Variants in LRP1B observed in about 807,000 individuals in gnomAD.
LRP1B encodes the protein LDL receptor related protein 1B.
Under a neutral mutation model 556.6 loss-of-function variants are expected in LRP1B, and 217 were observed. That is an observed-to-expected ratio of 0.39 (90% CI 0.35 to 0.44). LRP1B has a LOEUF of 0.44. LRP1B is among the 20% of genes least tolerant of loss of function. The probability of loss-of-function intolerance (pLI) is 1.00; values close to 1 mark genes in which losing one functional copy is unlikely to be tolerated. For missense variants in LRP1B, 5,053 were observed against 5,620.8 expected (o/e 0.90, Z 3.23); for synonymous variants, 2,047 against 1,865.8 (o/e 1.10, Z -2.50).
In LRP1B at chr2:141,698,009, G is replaced by C. The variant is rs75113386; in HGVS notation, c.205+112270C>G. On this transcript the variant is annotated intron_variant, in intron 2 of 90. Coordinates refer to ENST00000389484, the MANE Select transcript of LRP1B (RefSeq NM_018557.3). Reference sequence around the variant, plus strand: ...GTACAGTATTAAATACGGTGAGGAGGTAGCAGAGTAGGAGCTAGAGGTGCT... The same window carrying C: ...GTACAGTATTAAATACGGTGAGGAGCTAGCAGAGTAGGAGCTAGAGGTGCT... Among the ~76,000 whole-genome samples, 499 of 152,076 alleles carry C rather than the reference G, an allele frequency of 3.3e-3. 3 individuals are homozygous for C. Among genetic ancestry groups the C allele is most frequent in the African/African-American group, 0.011 (474 of 41,526 alleles).
intron 1 of LRP1B, among the ~76,000 whole-genome samples, chr2:142,085,024 T>C (rs1373350922): frequency 2.0e-5 from 3 of 152,182 alleles, no homozygotes; most frequent in Non-Finnish European, 4.4e-5. Flanking sequence ...CTTTAATCTG[T>C]TGTAAAATGA....
At chr2:141,926,686 T>A (rs115294353) in intron 1 of LRP1B, among the ~76,000 whole-genome samples, 1 of 152,148 alleles carries the variant, frequency 6.6e-6, no homozygotes, top group Non-Finnish European at 1.5e-5. Context: ...ACAGACAATT[T>A]GAAAATAGGT....
At chr2:141,164,970 T>C (rs1680188385) in intron 7 of LRP1B, among the ~76,000 whole-genome samples, 1 of 151,988 alleles carries the variant, frequency 6.6e-6, no homozygotes, top group Non-Finnish European at 1.5e-5. Context: ...ATCTTATTCC[T>C]CTCTCTAGCT....
chr2:140,518,284 T>G (rs756913858), intron 49 of LRP1B, among the ~76,000 whole-genome samples: 1 of 152,168 alleles, frequency 6.6e-6, no homozygotes, highest in Non-Finnish European at 1.5e-5. Flanking sequence ...GGATGTTTCC[T>G]GGATCTAATC....
chr2:141,997,182 C>T (rs1197093642), intron 1 of LRP1B, among the ~76,000 whole-genome samples: 1 of 56,138 alleles, frequency 1.8e-5, no homozygotes, highest in East Asian at 8.5e-4. Context: ...AGTTCAGTAG[C>T]TAAGATTTTG....
chr2:141,695,978 A>G (rs1238404825), intron 2 of LRP1B, among the ~76,000 whole-genome samples: 1 of 151,946 alleles, frequency 6.6e-6, no homozygotes, highest in Non-Finnish European at 1.5e-5. Flanking sequence ...AACTACCTGT[A>G]TTTCTACCTT....
At chr2:140,377,415 G>A (rs1179149615) in intron 68 of LRP1B, among the ~76,000 whole-genome samples, 4 of 152,006 alleles carry the variant, frequency 2.6e-5, no homozygotes, top group South Asian at 2.1e-4. Flanking sequence ...ACTTGATTGC[G>A]CAAACCTTGT....
chr2:141,287,908 C>T (rs1685781902), intron 3 of LRP1B, among the ~76,000 whole-genome samples: 1 of 152,124 alleles, frequency 6.6e-6, no homozygotes, highest in South Asian at 2.1e-4. Flanking sequence ...TTTAATTCTT[C>T]CTGCCTCCTT....
intron 12 of LRP1B, 132 bp downstream of exon 12, chr2:141,019,788 CTT>C: frequency 1.7e-6 from 1 of 591,746 alleles, no homozygotes; most frequent in Non-Finnish European, 2.8e-6. Context: ...AAATGTGTAA[CTT>C]TACCCACTAA....
At chr2:141,124,876 G>A (rs542493807) in intron 7 of LRP1B, among the ~76,000 whole-genome samples, 124 of 152,140 alleles carry the variant, frequency 8.2e-4, no homozygotes, top group African/African-American at 2.9e-3. Flanking sequence ...GAGATGGATT[G>A]TATGCATATA....
At chr2:142,091,936 G>T (rs1030555612) in intron 1 of LRP1B, among the ~76,000 whole-genome samples, 18 of 152,202 alleles carry the variant, frequency 1.2e-4, no homozygotes, top group African/African-American at 4.1e-4. Context: ...TTTCCTTCTG[G>T]CATCCCTTCT....
intron 7 of LRP1B, among the ~76,000 whole-genome samples, chr2:141,095,020 G>A (rs1027791387): frequency 6.6e-6 from 1 of 152,112 alleles, no homozygotes. Flanking sequence ...GTGAATGAAT[G>A]AATGCCATTA....
chr2:141,723,989 T>A (rs1257409269), intron 2 of LRP1B, among the ~76,000 whole-genome samples: 3 of 151,906 alleles, frequency 2.0e-5, no homozygotes, highest in Non-Finnish European at 4.4e-5. Context: ...ATCCTCATTT[T>A]TCCCAGAAAG....
rs143446454 is a variant in LRP1B at position 141,793,981 on chromosome 2, A to G, written c.205+16298T>C. 1.3e-3 allele frequency among the ~76,000 whole-genome samples: 200 copies of G among 152,074 alleles called. 1 individual carries two copies. The highest frequency in any genetic ancestry group is 4.7e-3 in the African/African-American group (194 of 41,538). On this transcript the variant is annotated intron_variant, in intron 2 of 90. Coordinates refer to ENST00000389484, the MANE Select transcript of LRP1B (RefSeq NM_018557.3). Reference sequence around the variant, plus strand: ...GTAATGGATCTAATTGTGGGAGTTAAAAGTTAAGACAAAATAACACAATAA... The same window carrying G: ...GTAATGGATCTAATTGTGGGAGTTAGAAGTTAAGACAAAATAACACAATAA...
At chr2:141,766,426 T>C (rs918838179) in intron 2 of LRP1B, among the ~76,000 whole-genome samples, 6 of 152,212 alleles carry the variant, frequency 3.9e-5, no homozygotes, top group African/African-American at 1.4e-4. Context: ...GCTAGTATCT[T>C]ATTACAGCTA....
chr2:140,757,526 C>T (rs552807046), intron 35 of LRP1B, among the ~76,000 whole-genome samples: 2 of 152,240 alleles, frequency 1.3e-5, no homozygotes, highest in Non-Finnish European at 2.9e-5. Context: ...AAGCCAGTCA[C>T]AAAGGAAAAC....
intron 76 of LRP1B, 60 bp from the exon 77 acceptor site, chr2:140,351,098 A>G (rs1681938985): frequency 9.1e-7 from 1 of 1,102,794 alleles, no homozygotes; most frequent in Non-Finnish European, 1.3e-6. Context: ...GTTAAAAGCA[A>G]TAATTGTACT....
chr2:140,611,062 A>G (rs1683056522), intron 41 of LRP1B, among the ~76,000 whole-genome samples: 1 of 152,260 alleles, frequency 6.6e-6, no homozygotes, highest in African/African-American at 2.4e-5. Context: ...ACAAAGCTAC[A>G]GCCAATTATG....
At chr2:141,252,397 G>T (rs1453625938) in intron 4 of LRP1B, among the ~76,000 whole-genome samples, 1 of 152,064 alleles carries the variant, frequency 6.6e-6, no homozygotes, top group Non-Finnish European at 1.5e-5. Flanking sequence ...CATTTGTAAG[G>T]CATTCATAAA....
Sources: gnomAD v4.1 joint callset for allele counts (sites outside exome capture counted in the v4.1 genomes callset) on GRCh38, gnomAD v4.1.1 for gene constraint, MANE v1.5 for transcripts, NCBI Gene and HGNC (gene_info 2026-07-23, HGNC 2026-07-21) for gene names.